The following IGSF10 variants were observed in gnomAD, a reference collection of about 807,000 sequenced individuals.
The protein encoded by IGSF10 is immunoglobulin superfamily member 10, also known as calvaria mechanical force protein 608.
In IGSF10, 126 loss-of-function variants were observed where a neutral mutation model predicts 128.2. That is an observed-to-expected ratio of 0.98 (90% confidence interval 0.85 to 1.14). The LOEUF (loss-of-function observed/expected upper bound fraction) is 1.14, where lower values mean the gene tolerates loss of function less well. Ranked by LOEUF, IGSF10 falls within the 50% of genes most tolerant of loss-of-function variation. IGSF10 has a pLI of 0.00. For missense variants in IGSF10, 3,295 were observed against 3,149.8 expected (o/e 1.05, Z -1.10); for synonymous variants, 1,185 against 1,146.2 (o/e 1.03, Z -0.68).
chr3:151,565,718 C>T, the IGSF10 span, among the ~76,000 whole-genome samples: 1 of 152,048 alleles, frequency 6.6e-6, no homozygotes, highest in East Asian at 2.0e-4. Context: ...AGTTACTGAG[C>T]TAATTCTGTT....
the IGSF10 span, among the ~76,000 whole-genome samples, chr3:151,539,193 C>G: frequency 6.6e-6 from 1 of 152,190 alleles, no homozygotes; most frequent in Non-Finnish European, 1.5e-5. Context: ...ACATGTTACA[C>G]ATGACTACAG....
At chr3:151,460,231 T>G (rs773567059) in intron 2 of IGSF10, 30 bp downstream of exon 2, 22 of 661,400 alleles carry the variant, frequency 3.3e-5, no homozygotes, top group Non-Finnish European at 4.1e-5. Flanking sequence ...AGGCTGAAAA[T>G]GTACATAATG....
At chr3:151,604,628 T>C in the IGSF10 span, among the ~76,000 whole-genome samples, 33 of 144,934 alleles carry the variant, frequency 2.3e-4, no homozygotes, top group Middle Eastern at 3.5e-3. Context: ...CACACACACA[T>C]ATATATATAT....
chr3:151,617,320 C>CTTCTTCTTCTTCTTCTTCT, the IGSF10 span, among the ~76,000 whole-genome samples: 657 of 83,610 alleles, frequency 7.9e-3, 83 homozygotes, highest in East Asian at 0.029. Context: ...CTTCTTCTTC[C>CTTCTTCTTCTTCTTCTTCT]CCTCCTCCTC....
rs1382738971 is a variant in IGSF10, at chr3:151,447,973, A to G, written c.2008T>C (p.Leu670=). ...CCCTCTGTTTCTCCATCATGCTCCAAGGGCCTTTGTCCTTTCATCTTGACT... is the reference window on the plus strand; with the variant it reads ...CCCTCTGTTTCTCCATCATGCTCCAGGGGCCTTTGTCCTTTCATCTTGACT... ...VSVKMKGQRP[L]EHDGETEGSG... is the part of the protein sequence containing the mutation. The change falls in exon 6 of 8, where the codon TTG becomes CTG. Residue 670 remains leucine (L), a synonymous_variant. Transcript: ENST00000282466. 1.9e-6 allele frequency: 3 copies of G among 1,614,062 alleles called. No individual in the cohort carries two copies. Among genetic ancestry groups the G allele is most frequent in the Non-Finnish European group, 2.5e-6 (3 of 1,180,044 alleles).
the IGSF10 span, among the ~76,000 whole-genome samples, chr3:151,597,970 G>C: frequency 3.3e-5 from 5 of 151,292 alleles, no homozygotes; most frequent in Non-Finnish European, 7.4e-5. Flanking sequence ...TGTTTAGTTT[G>C]TGGAGGCACA....
Position 151,446,039 on chromosome 3 carries a change from C to A in IGSF10, c.3942G>T (p.Thr1314=), listed in dbSNP as rs747177520. 1 of 1,614,024 alleles carries A rather than the reference C, an allele frequency of 6.2e-7. No homozygotes were observed. The highest frequency in any genetic ancestry group is 2.2e-5 in the East Asian group (1 of 44,882). Residue 1314 remains threonine (T), a synonymous_variant, in exon 6 of 8, where the codon ACG becomes ACT. Coordinates refer to ENST00000282466, the MANE Select transcript of IGSF10 (RefSeq NM_178822.5). ...KDSSTKSIIS[T]QTAIPATTPT... is the part of the protein sequence containing the mutation. The stretch of plus-strand genomic sequence containing the variant: ...GAGTTGTTGCTGGTATTGCTGTTTG[C>A]GTTGATATGATGCTTTTTGTACTTG...
chr3:151,479,128 T>C, the IGSF10 span, among the ~76,000 whole-genome samples: 1 of 152,088 alleles, frequency 6.6e-6, no homozygotes, highest in Admixed American at 6.6e-5. Flanking sequence ...GAAATCCCAG[T>C]TGTAGGAGTT....
chr3:151,563,187 C>T, the IGSF10 span, among the ~76,000 whole-genome samples: 647 of 152,202 alleles, frequency 4.3e-3, 1 homozygote, highest in African/African-American at 0.014. Flanking sequence ...TATCTTCTCA[C>T]CCTGCGGCCC....
chr3:151,528,356 T>A, the IGSF10 span, among the ~76,000 whole-genome samples: 3 of 152,312 alleles, frequency 2.0e-5, no homozygotes, highest in African/African-American at 7.2e-5. Context: ...AAGGTTTTTT[T>A]AAAAGAGAAA....
chr3:151,442,416 G>A (rs1373209399), intron 7 of IGSF10, among the ~76,000 whole-genome samples: 2 of 123,678 alleles, frequency 1.6e-5, no homozygotes, highest in African/African-American at 3.2e-5. Flanking sequence ...GTCTCACTCT[G>A]TTGCCTAGGC....
At chr3:151,529,173 G>A in the IGSF10 span, among the ~76,000 whole-genome samples, 823 of 152,226 alleles carry the variant, frequency 5.4e-3, 2 homozygotes, top group Non-Finnish European at 9.6e-3. Context: ...TCTGGGCAGG[G>A]CATCTCTGAA....
chr3:151,604,626 C>CAT, the IGSF10 span, among the ~76,000 whole-genome samples: 1,723 of 121,468 alleles, frequency 0.014, 28 homozygotes, highest in African/African-American at 0.043. Flanking sequence ...CACACACACA[C>CAT]ATATATATAT....
intron 7 of IGSF10, among the ~76,000 whole-genome samples, chr3:151,439,636 T>G (rs1720717581): frequency 6.7e-6 from 1 of 150,210 alleles, no homozygotes; most frequent in Non-Finnish European, 1.5e-5. Context: ...TTTTACTTTG[T>G]TAGAATACCA....
intron 5 of IGSF10, among the ~76,000 whole-genome samples, chr3:151,450,337 C>T (rs1228873270): frequency 1.3e-5 from 2 of 152,280 alleles, no homozygotes; most frequent in East Asian, 3.9e-4. Context: ...GGACATGGCA[C>T]TTAACAAAAG....
intron 6 of IGSF10, among the ~76,000 whole-genome samples, chr3:151,444,610 C>T (rs562125913): frequency 1.3e-5 from 2 of 152,286 alleles, no homozygotes; most frequent in African/African-American, 2.4e-5. Flanking sequence ...TGTGCTCAGC[C>T]TGGATTTTTT....
the IGSF10 span, among the ~76,000 whole-genome samples, chr3:151,571,671 G>A: frequency 6.6e-6 from 1 of 152,286 alleles, no homozygotes; most frequent in East Asian, 1.9e-4. Context: ...TGCAAACAGG[G>A]ACAATTTGAC....
the IGSF10 span, among the ~76,000 whole-genome samples, chr3:151,586,841 T>C: frequency 6.6e-6 from 1 of 151,602 alleles, no homozygotes; most frequent in Non-Finnish European, 1.5e-5. Flanking sequence ...AAATATACAA[T>C]GGAATGGCAT....
At chr3:151,569,899 A>T in the IGSF10 span, among the ~76,000 whole-genome samples, 1 of 143,210 alleles carries the variant, frequency 7.0e-6, no homozygotes, top group African/African-American at 2.6e-5. Flanking sequence ...CCACCCCATG[A>T]CAAGCCCCAG....
Sources: allele counts gnomAD v4.1 joint callset (sites outside exome capture counted in the v4.1 genomes callset), GRCh38; gene constraint gnomAD v4.1.1; transcripts MANE v1.5; gene names NCBI Gene and HGNC (gene_info 2026-07-23, HGNC 2026-07-21).